Variants in DGLUCY observed in about 807,000 individuals in gnomAD.
The protein encoded by DGLUCY is D-glutamate cyclase, mitochondrial.
In DGLUCY, 58 loss-of-function variants were observed where a neutral mutation model predicts 58.5. The ratio of observed to expected loss-of-function variants is 0.99; its 90% CI spans 0.80 to 1.23. The LOEUF is 1.23. Ranked by LOEUF, DGLUCY falls within the 50% of genes most tolerant of loss-of-function variation. The pLI, the probability that DGLUCY is intolerant of heterozygous loss-of-function variation, is 0.00. For missense variants in DGLUCY, 779 were observed against 784.7 expected (o/e 0.99, Z 0.09); for synonymous variants, 325 against 314.1 (o/e 1.03, Z -0.37).
Position 91,167,724 on chromosome 14 carries a change from C to A in DGLUCY, c.257+346C>A, listed in dbSNP as rs556426640. ...ATAAAAAACACTTGCATTACCAACA[C>A]CCAGAGACAGAGATATTGTGTCTGT... On this transcript the variant is annotated intron_variant, in intron 4 of 13. Coordinates refer to ENST00000256324, the MANE Select transcript of DGLUCY (RefSeq NM_001102368.3). 5.5e-5 allele frequency: 38 copies of A among 696,374 alleles called. No individual in the cohort carries two copies. In the African/African-American group the frequency reaches 6.3e-4, roughly 12 times the overall value. 43.1% of individuals were successfully genotyped at this position (696,374 alleles called of 1,614,324 possible). A position where few individuals can be genotyped will look rare whatever the true frequency, so the allele number is the denominator to read the frequency against.
intron 8 of DGLUCY, among the ~76,000 whole-genome samples, chr14:91,181,965 T>TTTTA (rs375449442): frequency 0.14 from 20,876 of 148,736 alleles, 1,702 homozygotes; most frequent in Middle Eastern, 0.2. Context: ...CTTTATGGCT[T>TTTTA]TTTATTTATT....
chr14:91,173,247 T>A (rs2140413817), intron 5 of DGLUCY, 42 bp from the exon 6 acceptor site: 1 of 1,610,632 alleles, frequency 6.2e-7, no homozygotes, highest in Non-Finnish European at 8.5e-7. Context: ...GCTAATTCCA[T>A]TTTTTAACAT....
chr14:91,196,036 C>T (rs1380031045), intron 9 of DGLUCY, among the ~76,000 whole-genome samples: 3 of 152,082 alleles, frequency 2.0e-5, no homozygotes, highest in Admixed American at 6.6e-5. Context: ...GCACTGTCAC[C>T]GAGGGCACAT....
intron 1 of DGLUCY, chr14:91,090,997 T>C (rs1479097838): frequency 3.9e-5 from 6 of 152,250 alleles, no homozygotes; most frequent in Non-Finnish European, 7.3e-5. Flanking sequence ...GCATGGACTT[T>C]ACCCCTGAAG....
chr14:91,151,658 C>CT (rs772435841), intron 1 of DGLUCY, among the ~76,000 whole-genome samples: 4,017 of 134,024 alleles, frequency 0.03, 122 homozygotes, highest in African/African-American at 0.073. Context: ...CTTTTCTTTT[C>CT]TTTTTTTTTT....
chr14:91,167,170 GTGTC>G, intron 3 of DGLUCY, 51 bp from the exon 4 acceptor site: 1 of 1,503,492 alleles, frequency 6.7e-7, no homozygotes, highest in Non-Finnish European at 8.9e-7. Flanking sequence ...AAATCAGTAA[GTGTC>G]TGCCAAGAAA....
intron 8 of DGLUCY, 91 bp downstream of exon 8, chr14:91,181,480 G>A: frequency 2.3e-6 from 3 of 1,313,588 alleles, no homozygotes; most frequent in South Asian, 2.7e-5. Flanking sequence ...GAAAAAGGTG[G>A]GATGCAAAAT....
At chr14:91,071,300 G>C (rs1026662003) in intron 1 of DGLUCY, among the ~76,000 whole-genome samples, 2 of 138,992 alleles carry the variant, frequency 1.4e-5, no homozygotes, top group Non-Finnish European at 3.0e-5. Context: ...TTGCACCACT[G>C]CACTCCATCC....
At chr14:91,116,918 T>TG (rs1187216158) in intron 1 of DGLUCY, among the ~76,000 whole-genome samples, 1 of 142,910 alleles carries the variant, frequency 7.0e-6, no homozygotes, top group African/African-American at 2.7e-5. Flanking sequence ...CACTCCAGCC[T>TG]GGCGACAGAG....
rs539964600 is a variant in DGLUCY at position 91,224,939 on chromosome 14, G to A, written c.*106G>A. On this transcript the variant is annotated 3_prime_UTR_variant, in exon 14 of 14. Transcript: ENST00000256324. ...ATCCTGCTAGTAAACACTGGTCTTC[G>A]GTGAGCAACGAACACTCGCCTGGCC... 4.4e-4 allele frequency: 572 copies of A among 1,299,736 alleles called. 1 individual carries two copies. The highest frequency in any genetic ancestry group is 6.7e-4 in the Admixed American group (25 of 37,348). 80.5% of individuals were successfully genotyped at this position (1,299,736 alleles called of 1,614,324 possible).
At chr14:91,074,312 A>AAT (rs71120111) in intron 1 of DGLUCY, among the ~76,000 whole-genome samples, 1,834 of 121,736 alleles carry the variant, frequency 0.015, 18 homozygotes, top group Non-Finnish European at 0.02. Flanking sequence ...AAAAAAAAAA[A>AAT]ATATATATAT....
chr14:91,121,450 A>T (rs1349254136), intron 1 of DGLUCY, among the ~76,000 whole-genome samples: 1 of 152,076 alleles, frequency 6.6e-6, no homozygotes, highest in Non-Finnish European at 1.5e-5. Context: ...GCACGTTGGG[A>T]GGCCGAGGTG....
intron 9 of DGLUCY, among the ~76,000 whole-genome samples, chr14:91,193,587 T>C (rs927729433): frequency 1.6e-4 from 25 of 152,280 alleles, no homozygotes; most frequent in African/African-American, 5.8e-4. Context: ...ACCCCTGTAA[T>C]CCCAGCACTT....
intron 13 of DGLUCY, among the ~76,000 whole-genome samples, chr14:91,224,171 T>C (rs937392425): frequency 6.6e-6 from 1 of 152,194 alleles, no homozygotes; most frequent in Non-Finnish European, 1.5e-5. Flanking sequence ...TGGGAGGAAC[T>C]TATTGGCAGG....
intron 5 of DGLUCY, among the ~76,000 whole-genome samples, chr14:91,171,892 G>T (rs2048591055): frequency 6.6e-6 from 1 of 152,072 alleles, no homozygotes; most frequent in African/African-American, 2.4e-5. Context: ...GTGAACACCA[G>T]CTCCTCCTGT....
chr14:91,173,185 T>C, intron 5 of DGLUCY, 104 bp from the exon 6 acceptor site: 1 of 1,198,646 alleles, frequency 8.3e-7, no homozygotes, highest in South Asian at 1.3e-5. Context: ...TAACAGCTAC[T>C]CCTCCTTCAT....
At chr14:91,154,453 C>T (rs2047501479) in intron 1 of DGLUCY, among the ~76,000 whole-genome samples, 1 of 152,154 alleles carries the variant, frequency 6.6e-6, no homozygotes, top group African/African-American at 2.4e-5. Context: ...CTTTGTCGGG[C>T]ACCCATGAAA....
intron 1 of DGLUCY, among the ~76,000 whole-genome samples, chr14:91,077,335 A>G (rs557550139): frequency 2.7e-4 from 40 of 148,128 alleles, no homozygotes; most frequent in Non-Finnish European, 5.4e-4. Flanking sequence ...AGAGAGAGGC[A>G]GAGAAAAAAA....
At chr14:91,130,293 A>G (rs1020485693) in intron 1 of DGLUCY, among the ~76,000 whole-genome samples, 13 of 149,856 alleles carry the variant, frequency 8.7e-5, no homozygotes, top group Non-Finnish European at 1.6e-4. Context: ...GAAGTGAAGA[A>G]TCTTTTCTTT....
Sources: allele counts gnomAD v4.1 joint callset (sites outside exome capture counted in the v4.1 genomes callset), GRCh38; gene constraint gnomAD v4.1.1; transcripts MANE v1.5; gene names NCBI Gene and HGNC (gene_info 2026-07-23, HGNC 2026-07-21).